WDR70: variants seen among roughly 807,000 people sequenced by gnomAD.
The protein encoded by WDR70 is WD repeat domain 70.
WDR70 carries 53 observed loss-of-function variants against 88.6 expected under a neutral mutation model. The observed-to-expected ratio is 0.60, with a 90% confidence interval of 0.48 to 0.75. WDR70 has a LOEUF of 0.75. WDR70 is among the 30% of genes least tolerant of loss of function. WDR70 has a pLI of 0.00. For synonymous variants in WDR70, 280 were observed against 270.0 expected, an observed-to-expected ratio of 1.04 and a Z score of -0.36; for missense variants, 610 against 823.2, an observed-to-expected ratio of 0.74 and a Z score of 3.17.
chr5:37,729,514 T>TGAGA (rs796788775), intron 17 of WDR70, among the ~76,000 whole-genome samples: 7 of 152,328 alleles, frequency 4.6e-5, no homozygotes, highest in African/African-American at 1.7e-4. Flanking sequence ...TCTCCGTTAA[T>TGAGA]GAGAAACCCA....
intron 5 of WDR70, among the ~76,000 whole-genome samples, chr5:37,407,293 G>A (rs1749381946): frequency 1.3e-5 from 2 of 152,086 alleles, no homozygotes; most frequent in Non-Finnish European, 2.9e-5. Context: ...AGGTCAAGGG[G>A]GGCTGGATCA....
chr5:37,469,830 T>C (rs1739270747), intron 7 of WDR70, among the ~76,000 whole-genome samples: 1 of 152,120 alleles, frequency 6.6e-6, no homozygotes, highest in African/African-American at 2.4e-5. Flanking sequence ...GCCCCTAAGG[T>C]AAACTAAGTT....
intron 8 of WDR70, among the ~76,000 whole-genome samples, chr5:37,504,643 G>A (rs983504065): frequency 6.6e-6 from 1 of 152,196 alleles, no homozygotes; most frequent in Non-Finnish European, 1.5e-5. Flanking sequence ...ATTCATTTCT[G>A]AAGTTGCTCT....
chr5:37,687,799 G>A lies in WDR70; in HGVS notation c.1093-9856G>A, dbSNP rs1407865512. 7 of 438,496 alleles carry A rather than the reference G, an allele frequency of 1.6e-5. No homozygotes were observed. The East Asian group carries it at 2.0e-4, about 12-fold the overall frequency. The allele number at this position is 438,496 out of a possible 1,614,324, so 27.2% of individuals were successfully genotyped here. On this transcript the variant is annotated intron_variant, in intron 10 of 17. Coordinates refer to ENST00000265107, the MANE Select transcript of WDR70 (RefSeq NM_018034.4). ...CTTTTTCTTTACTTGAGCACTGGAA[G>A]GCTATATGTCTTTCTACCTTAGAAT...
chr5:37,616,577 G>A lies in WDR70; in HGVS notation c.1092+11339G>A, dbSNP rs767653559. Among the ~76,000 whole-genome samples, 87 of 152,092 alleles carry A rather than the reference G, an allele frequency of 5.7e-4. 1 individual carries two copies. Among genetic ancestry groups the A allele is most frequent in the Non-Finnish European group, 1.9e-4 (13 of 68,022 alleles). ...AGCCACCATCCACTATCCAACATCC[G>A]TTGAAGAAGGCCCAATCACATGCCA... On this transcript the variant is annotated intron_variant, in intron 10 of 17. Coordinates refer to ENST00000265107, the MANE Select transcript of WDR70 (RefSeq NM_018034.4).
chr5:37,425,160 C>T (rs578011086), intron 5 of WDR70, among the ~76,000 whole-genome samples: 2 of 152,326 alleles, frequency 1.3e-5, no homozygotes, highest in Admixed American at 1.3e-4. Flanking sequence ...GTGGAAGGAT[C>T]ATCTAAGTCT....
intron 4 of WDR70, 94 bp downstream of exon 4, chr5:37,392,214 C>A: frequency 7.3e-7 from 1 of 1,373,928 alleles, no homozygotes; most frequent in Non-Finnish European, 9.9e-7. Context: ...GAGATGGAGT[C>A]TTGCTCTATC....
At chr5:37,528,610 C>G (rs1741380644) in intron 9 of WDR70, among the ~76,000 whole-genome samples, 1 of 139,942 alleles carries the variant, frequency 7.1e-6, no homozygotes, top group Non-Finnish European at 1.6e-5. Flanking sequence ...CACATGTACC[C>G]TAGAACTTAA....
chr5:37,657,838 C>T (rs1366501367), intron 10 of WDR70, among the ~76,000 whole-genome samples: 1 of 152,146 alleles, frequency 6.6e-6, no homozygotes. Context: ...ATAATGTTTC[C>T]AGAACATACC....
At chr5:37,558,510 G>A (rs912479962) in intron 9 of WDR70, among the ~76,000 whole-genome samples, 1 of 150,516 alleles carries the variant, frequency 6.6e-6, no homozygotes, top group Non-Finnish European at 1.5e-5. Context: ...TTTTTTTTTA[G>A]AGATAGGGTT....
chr5:37,521,740 A>ACACCCC (rs57080738), intron 9 of WDR70, among the ~76,000 whole-genome samples: 1 of 131,160 alleles, frequency 7.6e-6, no homozygotes, highest in African/African-American at 2.9e-5. Flanking sequence ...ACACACACAC[A>ACACCCC]CCCACATGTT....
chr5:37,559,844 TAAAA>T (rs199731767), intron 9 of WDR70, among the ~76,000 whole-genome samples: 1 of 111,326 alleles, frequency 9.0e-6, no homozygotes, highest in Non-Finnish European at 2.0e-5. Context: ...AAATTCAGTA[TAAAA>T]AAAAAAAAAA....
chr5:37,446,842 A>G (rs1193670566), intron 7 of WDR70, among the ~76,000 whole-genome samples: 1 of 152,230 alleles, frequency 6.6e-6, no homozygotes, highest in Non-Finnish European at 1.5e-5. Context: ...AAACCCTAGA[A>G]GAAAACCTAA....
At chr5:37,645,077 A>C (rs1475373781) in intron 10 of WDR70, among the ~76,000 whole-genome samples, 2 of 150,618 alleles carry the variant, frequency 1.3e-5, no homozygotes, top group Non-Finnish European at 3.0e-5. Context: ...TAGGTCATTT[A>C]TTTGAAGTTT....
At chr5:37,609,996 T>C (rs1039255167) in intron 10 of WDR70, among the ~76,000 whole-genome samples, 4 of 152,192 alleles carry the variant, frequency 2.6e-5, no homozygotes, top group Non-Finnish European at 1.5e-5. Flanking sequence ...ATACATGTAT[T>C]CACAGATATA....
chr5:37,613,851 TA>T (rs1362581923), intron 10 of WDR70, among the ~76,000 whole-genome samples: 3 of 152,200 alleles, frequency 2.0e-5, no homozygotes, highest in African/African-American at 7.2e-5. Context: ...ACTTGCCTAC[TA>T]AAAACTACAG....
At chr5:37,616,363 T>A (rs1744342040) in intron 10 of WDR70, among the ~76,000 whole-genome samples, 1 of 152,076 alleles carries the variant, frequency 6.6e-6, no homozygotes, top group Non-Finnish European at 1.5e-5. Flanking sequence ...CCGCCTCAGC[T>A]TCCCAAAGCG....
At chr5:37,477,867 A>C (rs1739535576) in intron 7 of WDR70, among the ~76,000 whole-genome samples, 1 of 152,148 alleles carries the variant, frequency 6.6e-6, no homozygotes, top group Non-Finnish European at 1.5e-5. Context: ...TGATTGAGTT[A>C]ATGTGATATT....
intron 10 of WDR70, among the ~76,000 whole-genome samples, chr5:37,657,240 C>T (rs1300105540): frequency 6.6e-6 from 1 of 152,074 alleles, no homozygotes. Flanking sequence ...TTTCCCTTGG[C>T]CAGGGGAGGT....
Sources: allele counts gnomAD v4.1 joint callset (sites outside exome capture counted in the v4.1 genomes callset), GRCh38; gene constraint gnomAD v4.1.1; transcripts MANE v1.5; gene names NCBI Gene and HGNC (gene_info 2026-07-23, HGNC 2026-07-21).